CYP2C18: variants seen among roughly 807,000 people sequenced by gnomAD.
The protein encoded by CYP2C18 is cytochrome P450 family 2 subfamily C member 18.
CYP2C18 carries 38 observed loss-of-function variants against 41.3 expected under a neutral mutation model. That is an observed-to-expected ratio of 0.92 (90% confidence interval 0.71 to 1.21). The LOEUF (loss-of-function observed/expected upper bound fraction) is 1.21. Among genes scored for constraint, CYP2C18 ranks in the 50% most tolerant of loss-of-function variants. The pLI is 0.00. For synonymous variants in CYP2C18, 236 were observed against 210.0 expected (o/e 1.12, Z -1.07); for missense variants, 635 against 591.4 (o/e 1.07, Z -0.77).
At chr10:94,716,580 T>C (rs1466414001) in intron 5 of CYP2C18, among the ~76,000 whole-genome samples, 1 of 152,204 alleles carries the variant, frequency 6.6e-6, no homozygotes, top group Non-Finnish European at 1.5e-5. Flanking sequence ...TTACATTTGC[T>C]GAGGAGTGCT....
At chr10:94,705,415 A>G (rs1847324314) in intron 4 of CYP2C18, among the ~76,000 whole-genome samples, 1 of 152,168 alleles carries the variant, frequency 6.6e-6, no homozygotes, top group African/African-American at 2.4e-5. Flanking sequence ...TGCGGGGCTT[A>G]ATACCTAGGT....
At chr10:94,720,333 A>T in intron 5 of CYP2C18, 63 bp from the exon 6 acceptor site, 1 of 1,452,448 alleles carries the variant, frequency 6.9e-7, no homozygotes. Context: ...TATATTTTGG[A>T]TTTTTTGTAA....
At chr10:94,706,054 G>T (rs1847337373) in intron 4 of CYP2C18, among the ~76,000 whole-genome samples, 1 of 152,176 alleles carries the variant, frequency 6.6e-6, no homozygotes, top group African/African-American at 2.4e-5. Flanking sequence ...AGGTTTTGGA[G>T]AACAGATGCT....
At chr10:94,688,379 ATTTTG>A in intron 3 of CYP2C18, 105 bp downstream of exon 3, 2 of 1,289,554 alleles carry the variant, frequency 1.6e-6, no homozygotes, top group Non-Finnish European at 2.1e-6. Flanking sequence ...TACATGTAAT[ATTTTG>A]TTACATGCAC....
chr10:94,726,929 A>T (rs1322730191), intron 7 of CYP2C18, among the ~76,000 whole-genome samples: 1 of 152,160 alleles, frequency 6.6e-6, no homozygotes, highest in East Asian at 1.9e-4. Flanking sequence ...TGAAATCACT[A>T]TTGCCATCTT....
intron 7 of CYP2C18, 129 bp from the exon 8 acceptor site, chr10:94,733,168 G>A: frequency 1.2e-6 from 1 of 855,524 alleles, no homozygotes; most frequent in South Asian, 1.8e-5. Flanking sequence ...TGTCTGGGTG[G>A]GAATGTAACT....
chr10:94,729,327 C>T (rs1847792907), intron 7 of CYP2C18, among the ~76,000 whole-genome samples: 1 of 152,048 alleles, frequency 6.6e-6, no homozygotes, highest in Non-Finnish European at 1.5e-5. Context: ...AAATACCTGG[C>T]CACAGGTCTT....
intron 3 of CYP2C18, among the ~76,000 whole-genome samples, chr10:94,693,224 G>A (rs921651765): frequency 1.3e-5 from 2 of 152,092 alleles, no homozygotes; most frequent in African/African-American, 4.8e-5. Context: ...TGGATCATGG[G>A]GGTGGATTTT....
intron 4 of CYP2C18, among the ~76,000 whole-genome samples, chr10:94,698,741 AAT>A (rs1429856244): frequency 6.6e-6 from 1 of 152,196 alleles, no homozygotes; most frequent in Admixed American, 6.5e-5. Flanking sequence ...TAGCAAGACT[AAT>A]AAAGAAGAAA....
intron 3 of CYP2C18, among the ~76,000 whole-genome samples, 195 bp downstream of exon 3, chr10:94,688,469 A>T (rs2134174681): frequency 6.6e-6 from 1 of 152,296 alleles, no homozygotes; most frequent in South Asian, 2.1e-4. Context: ...TATTTTGAGA[A>T]CAGACCTGTG....
At chr10:94,693,262 T>C (rs935024370) in intron 3 of CYP2C18, among the ~76,000 whole-genome samples, 1 of 152,118 alleles carries the variant, frequency 6.6e-6, no homozygotes. Flanking sequence ...CCATCCCTTT[T>C]GGTACTGTCC....
intron 5 of CYP2C18, among the ~76,000 whole-genome samples, chr10:94,718,969 C>A (rs1027584147): frequency 6.6e-6 from 1 of 152,046 alleles, no homozygotes; most frequent in Non-Finnish European, 1.5e-5. Context: ...GGTGCTGTAG[C>A]TTTTTCTTCC....
chr10:94,704,833 G>A (rs1445801969), intron 4 of CYP2C18, among the ~76,000 whole-genome samples: 1 of 152,168 alleles, frequency 6.6e-6, no homozygotes, highest in Non-Finnish European at 1.5e-5. Context: ...TCTACTGTGT[G>A]CCTTAACTAT....
At chr10:94,717,221 A>G (rs138139309) in intron 5 of CYP2C18, among the ~76,000 whole-genome samples, 1,791 of 152,286 alleles carry the variant, frequency 0.012, 23 homozygotes, top group Non-Finnish European at 0.016. Flanking sequence ...TCATCCTGTC[A>G]TTATGATGTT....
At chr10:94,701,088 G>A (rs1291224779) in intron 4 of CYP2C18, among the ~76,000 whole-genome samples, 2 of 152,258 alleles carry the variant, frequency 1.3e-5, no homozygotes, top group East Asian at 3.9e-4. Flanking sequence ...AGAAATAGAA[G>A]TACCATTTGA....
intron 4 of CYP2C18, among the ~76,000 whole-genome samples, chr10:94,695,943 C>G (rs117056102): frequency 0.021 from 3,227 of 152,246 alleles, 54 homozygotes; most frequent in Non-Finnish European, 0.034. Flanking sequence ...GGAGGGGGGC[C>G]TGCCATTACT....
chr10:94,719,529 T>G (rs1420011294), intron 5 of CYP2C18, among the ~76,000 whole-genome samples: 1 of 151,880 alleles, frequency 6.6e-6, no homozygotes, highest in Non-Finnish European at 1.5e-5. Flanking sequence ...CAGCCTCCCA[T>G]GTAGCTGGGA....
rs1847225556 is a variant in CYP2C18 at position 94,700,823 on chromosome 10, ACT to A, written c.642+5747_642+5748del. On this transcript the variant is annotated intron_variant, in intron 4 of 8. Coordinates refer to ENST00000285979, the MANE Select transcript of CYP2C18 (RefSeq NM_000772.3). ...AAGTGGGCAAAGGTTATGAACAGAC[ACT>A]TCTCAAAAGAAGACAGTTATGCAGC... is the stretch of plus-strand genomic sequence containing the variant. Among the ~76,000 whole-genome samples, 3 of 152,232 alleles carry A rather than the reference ACT, an allele frequency of 2.0e-5. No individual in the cohort carries two copies. In the South Asian group the frequency reaches 6.2e-4, roughly 32 times the overall value.
At chr10:94,723,477 G>A (rs1458183608) in intron 6 of CYP2C18, among the ~76,000 whole-genome samples, 3 of 152,086 alleles carry the variant, frequency 2.0e-5, no homozygotes, top group African/African-American at 7.2e-5. Flanking sequence ...AGCATTTGCA[G>A]TAATTCTAAA....
Sources: gnomAD v4.1 joint callset for allele counts (sites outside exome capture counted in the v4.1 genomes callset) on GRCh38, gnomAD v4.1.1 for gene constraint, MANE v1.5 for transcripts, NCBI Gene and HGNC (gene_info 2026-07-23, HGNC 2026-07-21) for gene names.